Variants in RIMS2 observed in about 807,000 individuals in gnomAD.
RIMS2 encodes regulating synaptic membrane exocytosis 2.
Under a neutral mutation model 174.4 loss-of-function variants are expected in RIMS2, and 59 were observed. That is an observed-to-expected ratio of 0.34 (90% CI 0.27 to 0.42). The LOEUF (loss-of-function observed/expected upper bound fraction) is 0.42, where lower values mean the gene tolerates loss of function less well. RIMS2 is among the 10% of genes least tolerant of loss of function. The pLI is 1.00. For synonymous variants in RIMS2, 606 were observed against 572.5 expected, an observed-to-expected ratio of 1.06 and a Z score of -0.84; for missense variants, 1,620 against 1,666.3, an observed-to-expected ratio of 0.97 and a Z score of 0.48.
chr8:104,212,246 A>G (rs578203565), intron 19 of RIMS2, among the ~76,000 whole-genome samples: 2 of 152,338 alleles, frequency 1.3e-5, no homozygotes, highest in African/African-American at 4.8e-5. Flanking sequence ...ATGAAATTAT[A>G]TCCTCTGGAG....
intron 19 of RIMS2, among the ~76,000 whole-genome samples, chr8:104,207,794 C>T (rs2099087374): frequency 6.6e-6 from 1 of 150,844 alleles, no homozygotes; most frequent in Admixed American, 6.6e-5. Flanking sequence ...GTCTGGACAA[C>T]AAGAGCAAAA....
intron 19 of RIMS2, among the ~76,000 whole-genome samples, chr8:104,131,216 T>A (rs1012711707): frequency 6.6e-6 from 1 of 152,192 alleles, no homozygotes; most frequent in Non-Finnish European, 1.5e-5. Flanking sequence ...GCATAGATTA[T>A]TATGTAAGTG....
chr8:103,662,868 T>C (rs1426004256), intron 1 of RIMS2, among the ~76,000 whole-genome samples: 3 of 152,182 alleles, frequency 2.0e-5, no homozygotes, highest in Non-Finnish European at 4.4e-5. Context: ...ATCTAGCGAC[T>C]ACATAAATTT....
At chr8:103,803,730 G>A (rs2098631055) in intron 3 of RIMS2, among the ~76,000 whole-genome samples, 1 of 152,180 alleles carries the variant, frequency 6.6e-6, no homozygotes, top group South Asian at 2.1e-4. Flanking sequence ...TGCTGGTTTA[G>A]AAGTAAATAA....
intron 19 of RIMS2, among the ~76,000 whole-genome samples, chr8:104,106,256 G>T (rs1207921436): frequency 2.0e-5 from 3 of 151,664 alleles, no homozygotes; most frequent in African/African-American, 7.3e-5. Flanking sequence ...TCTTACATAA[G>T]TTTTAAGAGA....
intron 15 of RIMS2, among the ~76,000 whole-genome samples, chr8:103,964,269 AC>A (rs1395257480): frequency 6.6e-6 from 1 of 152,140 alleles, no homozygotes; most frequent in Non-Finnish European, 1.5e-5. Context: ...TTGCATTCCC[AC>A]CAGCAATGAA....
At chr8:104,133,172 T>G (rs974683725) in intron 19 of RIMS2, among the ~76,000 whole-genome samples, 4 of 152,216 alleles carry the variant, frequency 2.6e-5, no homozygotes, top group Non-Finnish European at 5.9e-5. Flanking sequence ...ATTTGTACCA[T>G]TTTAAGTGGG....
intron 3 of RIMS2, among the ~76,000 whole-genome samples, chr8:103,804,212 T>C (rs937549569): frequency 1.3e-4 from 20 of 152,332 alleles, no homozygotes; most frequent in African/African-American, 4.6e-4. Context: ...ATTCAATATA[T>C]TGAGATATCA....
Position 103,912,036 on chromosome 8 carries a change from T to C in RIMS2, c.1693-17T>C. 6.6e-7 allele frequency: 1 copy of C among 1,523,756 alleles called. No homozygotes were observed. Among genetic ancestry groups the C allele is most frequent in the Non-Finnish European group, 8.9e-7 (1 of 1,126,806 alleles). The allele number at this position is 1,523,756 out of a possible 1,614,324, so 94.4% of individuals were successfully genotyped here. ...ATTTTGTATTTATTTATTTTGTTTG[T>C]TGATGCAAAATGTCAGCACCCTGTA... On this transcript the variant is annotated splice_polypyrimidine_tract_variant and intron_variant, in intron 5 of 23. Transcript: ENST00000504942.
At chr8:103,833,642 AT>A (rs1305661605) in intron 3 of RIMS2, among the ~76,000 whole-genome samples, 1 of 152,064 alleles carries the variant, frequency 6.6e-6, no homozygotes, top group African/African-American at 2.4e-5. Context: ...GGTAAAGCTC[AT>A]CTAGTGAATT....
At chr8:103,883,866 T>C (rs1358480402) in intron 3 of RIMS2, among the ~76,000 whole-genome samples, 1 of 151,834 alleles carries the variant, frequency 6.6e-6, no homozygotes, top group African/African-American at 2.4e-5. Context: ...TACAGGTAAT[T>C]GCTGGCAGAT....
chr8:104,135,496 C>T (rs2098510912), intron 19 of RIMS2, among the ~76,000 whole-genome samples: 1 of 151,360 alleles, frequency 6.6e-6, no homozygotes, highest in African/African-American at 2.4e-5. Context: ...GTCCCAACTA[C>T]CTGGGAGGCT....
At chr8:104,193,772 A>T (rs2099009884) in intron 19 of RIMS2, among the ~76,000 whole-genome samples, 1 of 152,186 alleles carries the variant, frequency 6.6e-6, no homozygotes, top group South Asian at 2.1e-4. Context: ...CACACAAGTC[A>T]ATCTTTCAGT....
intron 19 of RIMS2, among the ~76,000 whole-genome samples, chr8:104,119,862 T>C (rs768167640): frequency 2.2e-4 from 33 of 152,232 alleles, no homozygotes; most frequent in Admixed American, 3.9e-4. Context: ...ATCTTGTTGC[T>C]TGAACAGCAA....
chr8:103,579,303 A>G (rs1465236424), intron 1 of RIMS2, among the ~76,000 whole-genome samples: 1 of 151,882 alleles, frequency 6.6e-6, no homozygotes, highest in Non-Finnish European at 1.5e-5. Flanking sequence ...ACACACACAC[A>G]CACACGAAAT....
At chr8:103,793,046 A>C (rs2098515396) in intron 3 of RIMS2, among the ~76,000 whole-genome samples, 1 of 152,194 alleles carries the variant, frequency 6.6e-6, no homozygotes, top group Admixed American at 6.5e-5. Context: ...TATTCCAATC[A>C]ATAGAAAAAG....
chr8:104,219,654 G>A (rs1057351272), intron 19 of RIMS2, among the ~76,000 whole-genome samples: 8 of 151,982 alleles, frequency 5.3e-5, no homozygotes, highest in African/African-American at 1.9e-4. Flanking sequence ...TCAAGGCCGT[G>A]TTTTGCTTTT....
chr8:103,760,671 G>A (rs1024591496), intron 2 of RIMS2, among the ~76,000 whole-genome samples: 10 of 152,088 alleles, frequency 6.6e-5, no homozygotes, highest in African/African-American at 2.4e-4. Flanking sequence ...ACACAATGTG[G>A]GCCAGAGGGA....
At chr8:103,566,192 G>T (rs996511412) in intron 1 of RIMS2, among the ~76,000 whole-genome samples, 2 of 152,112 alleles carry the variant, frequency 1.3e-5, no homozygotes, top group African/African-American at 4.8e-5. Context: ...GTCTTAACTG[G>T]TATTTCTTAC....
Sources: allele counts gnomAD v4.1 joint callset (sites outside exome capture counted in the v4.1 genomes callset), GRCh38; gene constraint gnomAD v4.1.1; transcripts MANE v1.5; gene names NCBI Gene and HGNC (gene_info 2026-07-23, HGNC 2026-07-21).